The following FHIT variants were observed in gnomAD, a reference collection of about 807,000 sequenced individuals.
The protein encoded by FHIT is fragile histidine triad diadenosine triphosphatase, also known as bis(5'-adenosyl)-triphosphatase.
FHIT carries 19 observed loss-of-function variants against 17.9 expected under a neutral mutation model. That is an observed-to-expected ratio of 1.06 (90% CI 0.74 to 1.56). FHIT has a LOEUF of 1.56. FHIT is among the 40% of genes most tolerant of loss of function. The probability of loss-of-function intolerance (pLI) is 0.00; values close to 1 mark genes in which losing one functional copy is unlikely to be tolerated. For synonymous variants in FHIT, 81 were observed against 69.7 expected (o/e 1.16, Z -0.81); for missense variants, 248 against 189.2 (o/e 1.31, Z -1.82).
intron 1 of FHIT, among the ~76,000 whole-genome samples, chr3:61,235,881 T>C (rs867371769): frequency 6.6e-6 from 1 of 152,258 alleles, no homozygotes. Flanking sequence ...ATTCACCTTG[T>C]CCTGTCCAGT....
chr3:60,251,511 T>G (rs1434748868), intron 5 of FHIT, among the ~76,000 whole-genome samples: 1 of 152,184 alleles, frequency 6.6e-6, no homozygotes, highest in East Asian at 1.9e-4. Context: ...AAACTAAAAT[T>G]TGAAAACCTC....
chr3:60,916,839 T>C (rs139900464), intron 3 of FHIT, among the ~76,000 whole-genome samples: 1 of 152,164 alleles, frequency 6.6e-6, no homozygotes, highest in African/African-American at 2.4e-5. Flanking sequence ...AGTAGTCTGA[T>C]GAAGTTTGTA....
chr3:60,646,378 G>A (rs935885941), intron 4 of FHIT, among the ~76,000 whole-genome samples: 8 of 152,050 alleles, frequency 5.3e-5, no homozygotes, highest in African/African-American at 1.9e-4. Flanking sequence ...AAAAACAACC[G>A]TGTAATTTGC....
intron 3 of FHIT, among the ~76,000 whole-genome samples, chr3:61,001,239 A>G (rs915044413): frequency 2.6e-5 from 4 of 152,224 alleles, no homozygotes; most frequent in Non-Finnish European, 4.4e-5. Flanking sequence ...TATTCTAGAA[A>G]ATAGTTCAGC....
At position 60,430,508 on chromosome 3, in the gene FHIT, AT is replaced by A. The variant is rs533600109; in HGVS notation, c.103+106351del. On this transcript the variant is annotated intron_variant, in intron 5 of 9. Coordinates refer to ENST00000492590, the MANE Select transcript of FHIT (RefSeq NM_002012.4). Reference sequence around the variant, plus strand: ...GGTTCATTGTGGGTCTAAGGGCAATATTTTTTTTTCTGCCATAAACTGCTTT... The same window carrying A: ...GGTTCATTGTGGGTCTAAGGGCAATATTTTTTTTCTGCCATAAACTGCTTT... 3.4e-4 allele frequency among the ~76,000 whole-genome samples: 51 copies of A among 151,282 alleles called. 1 individual carries two copies. Among genetic ancestry groups the A allele is most frequent in the East Asian group, 2.5e-3 (13 of 5,116 alleles).
chr3:60,481,041 G>C (rs1239574445), intron 5 of FHIT, among the ~76,000 whole-genome samples: 1 of 152,198 alleles, frequency 6.6e-6, no homozygotes. Context: ...CCCTGCAGTA[G>C]AATTCCGCCT....
intron 8 of FHIT, among the ~76,000 whole-genome samples, chr3:59,842,076 C>T (rs1162825510): frequency 2.6e-5 from 4 of 152,222 alleles, no homozygotes; most frequent in African/African-American, 7.2e-5. Flanking sequence ...CTCCCTCCCC[C>T]CAGCTTCTGG....
chr3:59,759,023 G>C (rs565299039), intron 8 of FHIT, among the ~76,000 whole-genome samples: 10 of 152,164 alleles, frequency 6.6e-5, no homozygotes, highest in African/African-American at 2.2e-4. Context: ...GTAGAACTTT[G>C]GGTAGGGCAG....
intron 5 of FHIT, among the ~76,000 whole-genome samples, chr3:60,244,458 G>T (rs1230226432): frequency 6.6e-6 from 1 of 152,028 alleles, no homozygotes; most frequent in Admixed American, 6.6e-5. Context: ...GAATACCTCT[G>T]AATATAACTC....
At chr3:60,478,577 G>GTGA (rs913154521) in intron 5 of FHIT, among the ~76,000 whole-genome samples, 5 of 152,164 alleles carry the variant, frequency 3.3e-5, no homozygotes, top group South Asian at 2.1e-4. Flanking sequence ...GGTGATGGTG[G>GTGA]TGATGATGAT....
intron 4 of FHIT, among the ~76,000 whole-genome samples, chr3:60,666,906 G>C (rs1338356555): frequency 7.6e-6 from 1 of 130,754 alleles, no homozygotes; most frequent in Non-Finnish European, 1.6e-5. Context: ...TTATTATACA[G>C]GGCAGTGACA....
intron 5 of FHIT, among the ~76,000 whole-genome samples, chr3:60,113,205 G>T (rs540544204): frequency 8.5e-5 from 13 of 152,132 alleles, no homozygotes; most frequent in Admixed American, 3.9e-4. Flanking sequence ...CTACTAAGAC[G>T]CAAGCTCTGT....
intron 3 of FHIT, among the ~76,000 whole-genome samples, chr3:60,958,511 A>C (rs188025961): frequency 1.1e-3 from 163 of 152,330 alleles, no homozygotes; most frequent in Non-Finnish European, 1.8e-3. Flanking sequence ...TAAAGGTTAC[A>C]CTGGTATGTT....
chr3:60,643,187 G>A (rs1369256953), intron 4 of FHIT, among the ~76,000 whole-genome samples: 4 of 152,032 alleles, frequency 2.6e-5, no homozygotes, highest in Non-Finnish European at 4.4e-5. Context: ...TTCCACTCTA[G>A]AGACCATCTA....
intron 4 of FHIT, among the ~76,000 whole-genome samples, chr3:60,542,308 G>A (rs1431435094): frequency 2.6e-5 from 4 of 152,046 alleles, no homozygotes; most frequent in South Asian, 2.1e-4. Flanking sequence ...ATTCTTACAC[G>A]TTTCCCTGGA....
At chr3:60,563,170 C>T (rs914190620) in intron 4 of FHIT, among the ~76,000 whole-genome samples, 3 of 152,200 alleles carry the variant, frequency 2.0e-5, no homozygotes, top group East Asian at 1.9e-4. Flanking sequence ...GCTACAAAGG[C>T]GAGCCCGATG....
At chr3:60,130,680 A>G (rs138207540) in intron 5 of FHIT, among the ~76,000 whole-genome samples, 3 of 151,942 alleles carry the variant, frequency 2.0e-5, no homozygotes, top group Non-Finnish European at 4.4e-5. Flanking sequence ...CCTTTCCAAA[A>G]ATTACTTGAA....
chr3:60,044,222 T>A (rs150495763), intron 5 of FHIT, among the ~76,000 whole-genome samples: 3 of 152,296 alleles, frequency 2.0e-5, no homozygotes, highest in African/African-American at 7.2e-5. Flanking sequence ...ACGTGACAGA[T>A]CTTAATTATA....
chr3:59,791,902 A>G (rs565451457), intron 8 of FHIT, among the ~76,000 whole-genome samples: 2 of 152,330 alleles, frequency 1.3e-5, no homozygotes, highest in South Asian at 2.1e-4. Context: ...GCCTTCAGCC[A>G]GTCAAGGAGT....
Sources: gnomAD v4.1 joint callset for allele counts (sites outside exome capture counted in the v4.1 genomes callset) on GRCh38, gnomAD v4.1.1 for gene constraint, MANE v1.5 for transcripts, NCBI Gene and HGNC (gene_info 2026-07-23, HGNC 2026-07-21) for gene names.